TMED2: variants seen among roughly 807,000 people sequenced by gnomAD.
TMED2 encodes the protein transmembrane p24 trafficking protein 2, also known as transmembrane emp24 domain-containing protein 2.
In TMED2, 3 loss-of-function variants were observed where a neutral mutation model predicts 17.5. The observed-to-expected ratio is 0.17, with a 90% confidence interval of 0.08 to 0.44. The LOEUF (loss-of-function observed/expected upper bound fraction) is 0.44, where lower values mean the gene tolerates loss of function less well. TMED2 is among the 20% of genes least tolerant of loss of function. TMED2 has a pLI of 0.99. For synonymous variants in TMED2, 95 were observed against 91.0 expected, an observed-to-expected ratio of 1.04 and a Z score of -0.25; for missense variants, 149 against 254.8, an observed-to-expected ratio of 0.58 and a Z score of 2.83.
intron 2 of TMED2, among the ~76,000 whole-genome samples, chr12:123,588,011 G>A (rs1953364737): frequency 6.6e-6 from 1 of 152,114 alleles, no homozygotes; most frequent in Non-Finnish European, 1.5e-5. Flanking sequence ...TTAACCTGAA[G>A]CTTAGTTGGA....
At chr12:123,594,955 G>C (rs199512992) in intron 3 of TMED2, among the ~76,000 whole-genome samples, 1 of 151,672 alleles carries the variant, frequency 6.6e-6, no homozygotes, top group African/African-American at 2.4e-5. Context: ...TTGGCCAGGC[G>C]TGGTGGCTCA....
intron 3 of TMED2, among the ~76,000 whole-genome samples, chr12:123,594,492 T>C (rs562112557): frequency 1.2e-4 from 18 of 152,282 alleles, no homozygotes; most frequent in Admixed American, 2.6e-4. Flanking sequence ...ACACAATGGC[T>C]TGTGCCTGTA....
At chr12:123,590,314 TG>T (rs775719825) in intron 2 of TMED2, 27 bp from the exon 3 acceptor site, 73 of 1,463,282 alleles carry the variant, frequency 5.0e-5, no homozygotes, top group Admixed American at 2.9e-4. Context: ...CATTGACAAA[TG>T]TGTTTTGTTT....
At chr12:123,593,962 ATT>A (rs764283197) in intron 3 of TMED2, among the ~76,000 whole-genome samples, 34 of 136,756 alleles carry the variant, frequency 2.5e-4, no homozygotes, top group Admixed American at 2.2e-4. Context: ...CACCTGGCTA[ATT>A]TTTTTTTTTT....
intron 2 of TMED2, chr12:123,587,591 ATATCT>A (rs1254526340): frequency 6.3e-6 from 8 of 1,276,046 alleles, no homozygotes; most frequent in Middle Eastern, 4.3e-4. Context: ...TTGTGTTAAG[ATATCT>A]TAACTTTTCT....
At chr12:123,593,947 C>T (rs1012223375) in intron 3 of TMED2, among the ~76,000 whole-genome samples, 5 of 151,690 alleles carry the variant, frequency 3.3e-5, no homozygotes, top group African/African-American at 9.7e-5. Flanking sequence ...AGGCATGTGC[C>T]ACTACACCTG....
At chr12:123,594,226 C>T (rs1302809266) in intron 3 of TMED2, among the ~76,000 whole-genome samples, 1 of 151,830 alleles carries the variant, frequency 6.6e-6, no homozygotes, top group African/African-American at 2.4e-5. Flanking sequence ...GCTCCGCCTC[C>T]CAGGTTCACG....
chr12:123,595,186 G>A (rs184579103), intron 3 of TMED2, among the ~76,000 whole-genome samples: 2 of 152,120 alleles, frequency 1.3e-5, no homozygotes, highest in Non-Finnish European at 2.9e-5. Context: ...CTGAGATTGC[G>A]CCACTGCCCT....
chr12:123,590,284 CAA>C (rs377692258), intron 2 of TMED2, 56 bp from the exon 3 acceptor site: 31,998 of 977,346 alleles, frequency 0.033, no homozygotes, highest in East Asian at 0.049. Flanking sequence ...GACTCTGTCT[CAA>C]AAAAAAAAAA....
intron 3 of TMED2, among the ~76,000 whole-genome samples, chr12:123,593,261 G>GT (rs879407744): frequency 4.1e-4 from 46 of 110,926 alleles, no homozygotes; most frequent in South Asian, 1.8e-3. Flanking sequence ...GGTTTTTGTT[G>GT]TTTTTTTTTT....
chr12:123,593,287 C>CT (rs1348175596), intron 3 of TMED2, among the ~76,000 whole-genome samples: 1 of 151,734 alleles, frequency 6.6e-6, no homozygotes, highest in East Asian at 1.9e-4. Flanking sequence ...GAGTCTTGCT[C>CT]TGTTGCCCAG....
chr12:123,591,661 A>G (rs769701185), intron 3 of TMED2, among the ~76,000 whole-genome samples: 1 of 152,214 alleles, frequency 6.6e-6, no homozygotes, highest in Non-Finnish European at 1.5e-5. Context: ...ACGCGCCTGT[A>G]GTCCCAGCTA....
chr12:123,590,237 T>C, intron 2 of TMED2, 105 bp from the exon 3 acceptor site: 1 of 768,610 alleles, frequency 1.3e-6, no homozygotes, highest in Non-Finnish European at 1.9e-6. Flanking sequence ...GAGCTGAGAT[T>C]GAGCACCACT....
At chr12:123,593,689 G>A (rs1172687584) in intron 3 of TMED2, among the ~76,000 whole-genome samples, 1 of 152,112 alleles carries the variant, frequency 6.6e-6, no homozygotes, top group East Asian at 1.9e-4. Flanking sequence ...TTTAGTAGAC[G>A]GGGTTTCACC....
chr12:123,590,859 C>A (rs911343957), intron 3 of TMED2, among the ~76,000 whole-genome samples: 1 of 151,846 alleles, frequency 6.6e-6, no homozygotes, highest in African/African-American at 2.4e-5. Flanking sequence ...TGGCGTGCAC[C>A]TATAGTCCCA....
At chr12:123,591,773 T>C (rs917932025) in intron 3 of TMED2, among the ~76,000 whole-genome samples, 8 of 150,316 alleles carry the variant, frequency 5.3e-5, no homozygotes, top group African/African-American at 1.7e-4. Context: ...AGAGCGAGAC[T>C]CTGTCTGAAA....
At chr12:123,593,126 A>G (rs948501195) in intron 3 of TMED2, among the ~76,000 whole-genome samples, 1 of 152,164 alleles carries the variant, frequency 6.6e-6, no homozygotes, top group Non-Finnish European at 1.5e-5. Flanking sequence ...ACTTGAACCC[A>G]GGAGTTGCCT....
At chr12:123,591,124 T>C (rs1009844238) in intron 3 of TMED2, among the ~76,000 whole-genome samples, 2 of 152,222 alleles carry the variant, frequency 1.3e-5, no homozygotes, top group African/African-American at 2.4e-5. Flanking sequence ...CTGAAACTTA[T>C]GTACCAGTGG....
intron 1 of TMED2, 74 bp downstream of exon 1, chr12:123,584,890 C>T: frequency 6.4e-7 from 1 of 1,565,808 alleles, no homozygotes; most frequent in Non-Finnish European, 8.6e-7. Flanking sequence ...GGGACCGGCG[C>T]GGGGCCTGTG....
Sources: gnomAD v4.1 joint callset for allele counts (sites outside exome capture counted in the v4.1 genomes callset) on GRCh38, gnomAD v4.1.1 for gene constraint, MANE v1.5 for transcripts, NCBI Gene and HGNC (gene_info 2026-07-23, HGNC 2026-07-21) for gene names.